Variants in PLXNA4 observed in about 807,000 individuals in gnomAD.
PLXNA4 encodes plexin A4, also known as plexin-A4.
In PLXNA4, 44 loss-of-function variants were observed where a neutral mutation model predicts 191.8. The ratio of observed to expected loss-of-function variants is 0.23; its 90% CI spans 0.18 to 0.29. PLXNA4 has a LOEUF of 0.29. Among genes scored for constraint, PLXNA4 ranks in the 10% least tolerant of loss-of-function variants. The probability of loss-of-function intolerance (pLI) is 1.00; values close to 1 mark genes in which losing one functional copy is unlikely to be tolerated. For missense variants in PLXNA4, 1,800 were observed against 2,488.8 expected (o/e 0.72, Z 5.89); for synonymous variants, 1,082 against 1,009.5 (o/e 1.07, Z -1.36).
intron 3 of PLXNA4, among the ~76,000 whole-genome samples, chr7:132,374,169 A>G (rs2116911429): frequency 6.6e-6 from 1 of 152,314 alleles, no homozygotes; most frequent in Admixed American, 6.5e-5. Context: ...TTAAAAGTGG[A>G]CCAAAGGAGT....
intron 3 of PLXNA4, among the ~76,000 whole-genome samples, chr7:132,432,974 T>C (rs1489726277): frequency 1.3e-5 from 2 of 152,058 alleles, no homozygotes; most frequent in African/African-American, 2.4e-5. Flanking sequence ...CACCCCACCA[T>C]TGTAAGTGTT....
At chr7:132,181,264 C>T (rs929648243) in intron 18 of PLXNA4, 117 bp downstream of exon 18, 46 of 1,523,720 alleles carry the variant, frequency 3.0e-5, no homozygotes, top group Non-Finnish European at 3.8e-5. Flanking sequence ...GGCTACACTG[C>T]AACCTCTGCA....
chr7:132,383,006 T>G (rs527794620), intron 3 of PLXNA4, among the ~76,000 whole-genome samples: 18 of 152,356 alleles, frequency 1.2e-4, no homozygotes, highest in Non-Finnish European at 2.1e-4. Flanking sequence ...GATTTTCCTT[T>G]GTACTTCTTC....
intron 1 of PLXNA4, among the ~76,000 whole-genome samples, chr7:132,545,715 A>G (rs1800271601): frequency 6.6e-6 from 1 of 152,170 alleles, no homozygotes; most frequent in South Asian, 2.1e-4. Context: ...AAAAAAAATG[A>G]GGATTAAGAA....
intron 3 of PLXNA4, among the ~76,000 whole-genome samples, chr7:132,380,380 C>T (rs945544896): frequency 6.6e-6 from 1 of 152,124 alleles, no homozygotes; most frequent in African/African-American, 2.4e-5. Flanking sequence ...ATACTGTGGC[C>T]CTCTTGGCTC....
At chr7:132,431,011 G>A (rs1225282736) in intron 3 of PLXNA4, among the ~76,000 whole-genome samples, 1 of 151,906 alleles carries the variant, frequency 6.6e-6, no homozygotes, top group Non-Finnish European at 1.5e-5. Flanking sequence ...GATAAACTGG[G>A]CTCAAGTCCA....
At position 132,281,536 on chromosome 7, in the gene PLXNA4, G is replaced by T. The variant is rs376916931; in HGVS notation, c.1503+16555C>A. ...AAGTTTTAAGATATGAATTTTTAAA[G>T]TGTCACATTTACTCATTATTGGCAA... On this transcript the variant is annotated intron_variant, in intron 4 of 31. Coordinates refer to ENST00000321063, the MANE Select transcript of PLXNA4 (RefSeq NM_020911.2). Among the ~76,000 whole-genome samples, 5 of 152,186 alleles carry T rather than the reference G, an allele frequency of 3.3e-5. No individual in the cohort carries two copies. In the East Asian group the frequency reaches 7.7e-4, roughly 23 times the overall value.
intron 1 of PLXNA4, among the ~76,000 whole-genome samples, chr7:132,549,349 T>C (rs577343504): frequency 3.3e-5 from 5 of 152,270 alleles, no homozygotes; most frequent in African/African-American, 1.2e-4. Flanking sequence ...GGGAACCTAA[T>C]TTCCCCTCGT....
chr7:132,308,588 T>C (rs1408377996), intron 3 of PLXNA4, among the ~76,000 whole-genome samples: 1 of 152,192 alleles, frequency 6.6e-6, no homozygotes, highest in East Asian at 1.9e-4. Flanking sequence ...CGCAGGATTT[T>C]TGAAGTCCAG....
intron 2 of PLXNA4, among the ~76,000 whole-genome samples, chr7:132,618,890 G>C (rs545699851): frequency 8.5e-5 from 13 of 152,216 alleles, no homozygotes; most frequent in Non-Finnish European, 1.5e-4. Context: ...GGTAGCCTGG[G>C]CTCCATGAGA....
chr7:132,182,620 C>T (rs561269069), intron 16 of PLXNA4, among the ~76,000 whole-genome samples: 2 of 152,338 alleles, frequency 1.3e-5, no homozygotes, highest in East Asian at 3.9e-4. Context: ...ATTGTCCCCA[C>T]CACATCCTGC....
In PLXNA4 at chr7:132,159,501, G is replaced by A; in HGVS notation, c.4632C>T (p.His1544=). 1 of 1,614,180 alleles carries A rather than the reference G, an allele frequency of 6.2e-7. No homozygotes were observed. The highest frequency in any genetic ancestry group is 8.5e-7 in the Non-Finnish European group (1 of 1,180,038). The change falls in exon 25 of 32, where the codon CAC becomes CAT. Residue 1544 remains histidine (H), a synonymous_variant. Transcript: ENST00000321063. ...GATCCATATCTGCAGCTTTGGGCCG[G>A]TGGGAGCAAGGCACATTCTTGAAGA... is the stretch of plus-strand genomic sequence containing the variant. The part of the protein sequence containing the change: ...DAIFKNVPCS[H]RPKAADMDLE...
intron 25 of PLXNA4, among the ~76,000 whole-genome samples, chr7:132,154,097 G>A (rs1374432648): frequency 6.6e-6 from 1 of 152,146 alleles, no homozygotes; most frequent in Non-Finnish European, 1.5e-5. Context: ...TTCTTACCTT[G>A]GGGGCACTGT....
chr7:132,305,396 A>ACACACACG (rs1801476816), intron 3 of PLXNA4, among the ~76,000 whole-genome samples: 1 of 149,868 alleles, frequency 6.7e-6, no homozygotes, highest in Admixed American at 6.6e-5. Context: ...ACACACACAC[A>ACACACACG]CACACACACA....
intron 2 of PLXNA4, among the ~76,000 whole-genome samples, chr7:132,637,128 G>A (rs570933467): frequency 5.3e-4 from 81 of 152,178 alleles, no homozygotes; most frequent in Non-Finnish European, 1.0e-3. Flanking sequence ...TCATTCTCTT[G>A]GCTCTCAGCT....
chr7:132,277,602 T>C (rs1375212601), intron 4 of PLXNA4, among the ~76,000 whole-genome samples: 1 of 152,184 alleles, frequency 6.6e-6, no homozygotes, highest in Non-Finnish European at 1.5e-5. Context: ...ACCATGTGGC[T>C]GCCTAGAAAA....
intron 3 of PLXNA4, among the ~76,000 whole-genome samples, chr7:132,387,875 T>C (rs975479613): frequency 2.0e-5 from 3 of 152,048 alleles, no homozygotes; most frequent in Non-Finnish European, 4.4e-5. Context: ...ATGTTCCTAA[T>C]CTGCTTGGCC....
intron 3 of PLXNA4, among the ~76,000 whole-genome samples, chr7:132,304,933 A>G (rs1006012093): frequency 3.3e-5 from 5 of 152,190 alleles, no homozygotes; most frequent in Non-Finnish European, 7.3e-5. Flanking sequence ...GTCCCCATCA[A>G]GTCAGAATGC....
At chr7:132,401,632 T>A (rs2117042586) in intron 3 of PLXNA4, among the ~76,000 whole-genome samples, 1 of 151,918 alleles carries the variant, frequency 6.6e-6, no homozygotes, top group East Asian at 1.9e-4. Context: ...GGGGCATAAG[T>A]GGAGAATTCA....
Sources: allele counts gnomAD v4.1 joint callset (sites outside exome capture counted in the v4.1 genomes callset), GRCh38; gene constraint gnomAD v4.1.1; transcripts MANE v1.5; gene names NCBI Gene and HGNC (gene_info 2026-07-23, HGNC 2026-07-21).